The following RHOBTB2 variants were observed in gnomAD, a reference collection of about 807,000 sequenced individuals.
RHOBTB2 encodes rho-related BTB domain-containing protein 2.
Under a neutral mutation model 66.5 loss-of-function variants are expected in RHOBTB2, and 39 were observed. The observed-to-expected ratio is 0.59, with a 90% confidence interval of 0.45 to 0.77. The LOEUF (loss-of-function observed/expected upper bound fraction) is 0.77, where lower values mean the gene tolerates loss of function less well. Among genes scored for constraint, RHOBTB2 ranks in the 30% least tolerant of loss-of-function variants. The probability of loss-of-function intolerance (pLI) is 0.00; values close to 1 mark genes in which losing one functional copy is unlikely to be tolerated. For synonymous variants in RHOBTB2, 390 were observed against 395.0 expected (o/e 0.99, Z 0.15); for missense variants, 755 against 999.1 (o/e 0.76, Z 3.29).
chr8:22,973,513 CGT>C, the RHOBTB2 span, among the ~76,000 whole-genome samples: 1 of 152,128 alleles, frequency 6.6e-6, no homozygotes, highest in Non-Finnish European at 1.5e-5. Context: ...AGATTACAGG[CGT>C]GAGCCACCAC....
chr8:22,954,242 C>A, the RHOBTB2 span, among the ~76,000 whole-genome samples: 4 of 152,188 alleles, frequency 2.6e-5, no homozygotes, highest in African/African-American at 9.7e-5. Context: ...ATGAAAATGG[C>A]AGCAAAACTA....
the RHOBTB2 span, among the ~76,000 whole-genome samples, chr8:22,975,862 T>TG: frequency 6.6e-6 from 1 of 152,012 alleles, no homozygotes; most frequent in Non-Finnish European, 1.5e-5. Context: ...TAAAGACCAC[T>TG]GGGGGCCAGG....
chr8:23,015,010 A>G (rs931499507), intron 8 of RHOBTB2, among the ~76,000 whole-genome samples: 1 of 152,098 alleles, frequency 6.6e-6, no homozygotes, highest in Non-Finnish European at 1.5e-5. Flanking sequence ...GGCTTTAGGC[A>G]GCAGTAGGGC....
upstream of RHOBTB2, among the ~76,000 whole-genome samples, chr8:22,997,081 A>G (rs1057018584): frequency 9.2e-5 from 14 of 152,190 alleles, no homozygotes; most frequent in Middle Eastern, 3.4e-3. Flanking sequence ...GAATGCTGCC[A>G]TCTGAGCTGT....
the RHOBTB2 span, among the ~76,000 whole-genome samples, chr8:22,970,055 C>T: frequency 1.3e-5 from 2 of 152,166 alleles, no homozygotes; most frequent in African/African-American, 4.8e-5. Context: ...GAATGCACCA[C>T]CATAATTTAG....
intron 1 of RHOBTB2, 60 bp downstream of exon 1, chr8:23,000,165 G>T: frequency 2.0e-6 from 2 of 976,072 alleles, no homozygotes; most frequent in South Asian, 4.7e-5. Context: ...CAGACGCGCC[G>T]CTCCGCCCTC....
At chr8:22,988,285 A>G (rs1007176379) in intron 1 of RHOBTB2, among the ~76,000 whole-genome samples, 2 of 149,728 alleles carry the variant, frequency 1.3e-5, no homozygotes, top group African/African-American at 2.5e-5. Context: ...TTAGCCTCCC[A>G]TGTAGCTGGG....
chr8:23,000,554 G>T (rs771697778), intron 1 of RHOBTB2, among the ~76,000 whole-genome samples: 1 of 152,122 alleles, frequency 6.6e-6, no homozygotes, highest in Non-Finnish European at 1.5e-5. Context: ...AAACTACTGG[G>T]GAGATCTTTG....
In RHOBTB2 at chr8:23,018,092, G is replaced by C. The variant is rs902350920; in HGVS notation, c.*623G>C. 1.3e-5 allele frequency: 2 copies of C among 154,346 alleles called. No homozygotes were observed. Among genetic ancestry groups the C allele is most frequent in the African/African-American group, 4.8e-5 (2 of 41,464 alleles). 9.6% of individuals were successfully genotyped at this position (154,346 alleles called of 1,614,324 possible). On this transcript the variant is annotated 3_prime_UTR_variant, in exon 10 of 10. Coordinates refer to ENST00000251822, the MANE Select transcript of RHOBTB2 (RefSeq NM_015178.3). ...CAGTGTCCCTCCGTCCCAGGGGGCT[G>C]TGCTAGCACAGACCTGAGAATGGGG...
chr8:22,971,802 T>C, the RHOBTB2 span, among the ~76,000 whole-genome samples: 2 of 152,172 alleles, frequency 1.3e-5, no homozygotes, highest in Non-Finnish European at 2.9e-5. Context: ...ATCTTCTTAC[T>C]TTCTGCAGGA....
In RHOBTB2 at chr8:23,006,607, A is replaced by G; in HGVS notation, c.483-121A>G. The G allele has an allele frequency of 1.1e-6, 1 of 933,370 alleles. No individual in the cohort carries two copies. Among genetic ancestry groups the G allele is most frequent in the Non-Finnish European group, 1.7e-6 (1 of 604,440 alleles). The allele number at this position is 933,370 out of a possible 1,614,324, so 57.8% of individuals were successfully genotyped here. A position where few individuals can be genotyped will look rare whatever the true frequency, so the allele number is the denominator to read the frequency against. On this transcript the variant is annotated intron_variant, in intron 4 of 9. Transcript: ENST00000251822. The surrounding 1 kb of genome is among the most constrained non-coding windows in gnomAD (Gnocchi z 6.1). ...TTGATGGGATTTGGCCAGACAGAGC[A>G]GGGCAGGAGTGGGTGGGGATTGGCA...
chr8:23,015,951 A>G (rs1811279371), intron 9 of RHOBTB2, among the ~76,000 whole-genome samples: 2 of 152,200 alleles, frequency 1.3e-5, no homozygotes, highest in South Asian at 4.1e-4. Context: ...TGGGCTTCTC[A>G]TTCTCAGAGG....
chr8:23,007,365 A>C lies in RHOBTB2; in HGVS notation c.1120A>C (p.Asn374His), dbSNP rs765492852. 6 of 1,613,972 alleles carry C rather than the reference A, an allele frequency of 3.7e-6. No individual in the cohort carries two copies. The South Asian group carries it at 6.6e-5, about 18-fold the overall frequency. Residue 374 changes from asparagine (N) to histidine (H), a missense_variant, in exon 5 of 10, where the codon AAC becomes CAC. Physicochemically the swap from Asn to His is moderately conservative, Grantham distance 68. Around this residue, in one of 7 missense-constraint regions of RHOBTB2, gnomAD observed 247 missense variants for 238.9 expected, o/e 1.03. Transcript: ENST00000251822. ...ASTSDGILRG[N>H]GTGYLPGRGR... ...CACCAGCGACGGGATCTTACGGGGC[A>C]ACGGAACAGGGTACCTACCGGGCAG...
upstream of RHOBTB2, among the ~76,000 whole-genome samples, chr8:22,985,807 C>T (rs762510407): frequency 6.6e-6 from 1 of 152,184 alleles, no homozygotes; most frequent in Admixed American, 6.5e-5. Flanking sequence ...CGTTCCTCTG[C>T]CTGGAGTCAC....
chr8:22,979,831 C>T, the RHOBTB2 span, among the ~76,000 whole-genome samples: 1 of 141,362 alleles, frequency 7.1e-6, no homozygotes, highest in East Asian at 2.1e-4. Flanking sequence ...GATCGCAGCT[C>T]ACTGCAACCT....
At chr8:22,998,826 A>C (rs1810655351), upstream of RHOBTB2, 1 of 152,096 alleles carries the variant, frequency 6.6e-6, no homozygotes. Context: ...ATACCTTAGA[A>C]TCTCTCTATT....
chr8:22,995,602 G>C (rs901271212), upstream of RHOBTB2, among the ~76,000 whole-genome samples: 21 of 152,368 alleles, frequency 1.4e-4, no homozygotes, highest in African/African-American at 5.0e-4. Flanking sequence ...CTGTATCCTT[G>C]TGGGGACCTG....
At chr8:22,977,055 G>A in the RHOBTB2 span, among the ~76,000 whole-genome samples, 1 of 151,192 alleles carries the variant, frequency 6.6e-6, no homozygotes, top group South Asian at 2.2e-4. Context: ...AGGAGTTCGA[G>A]ACCAGCCTGG....
upstream of RHOBTB2, among the ~76,000 whole-genome samples, chr8:22,983,091 A>G (rs1810235122): frequency 6.6e-6 from 1 of 152,230 alleles, no homozygotes; most frequent in Admixed American, 6.5e-5. Flanking sequence ...ATCATAGCAC[A>G]TAACAACATA....
Sources: gnomAD v4.1 joint callset for allele counts (sites outside exome capture counted in the v4.1 genomes callset) on GRCh38, gnomAD v4.1.1 for gene constraint, gnomAD v4.1.1 regional missense constraint, Gnocchi (gnomAD v3.1) non-coding constraint, MANE v1.5 for transcripts, NCBI Gene and HGNC (gene_info 2026-07-23, HGNC 2026-07-21) for gene names.